The following LUZP2 variants were observed in gnomAD, a reference collection of about 807,000 sequenced individuals.
LUZP2 encodes leucine zipper protein 2.
LUZP2 carries 52 observed loss-of-function variants against 51.6 expected under a neutral mutation model. That is an observed-to-expected ratio of 1.01 (90% CI 0.81 to 1.27). The LOEUF (loss-of-function observed/expected upper bound fraction) is 1.27. LUZP2 is among the 50% of genes most tolerant of loss of function. The probability of loss-of-function intolerance (pLI) is 0.00; values close to 1 mark genes in which losing one functional copy is unlikely to be tolerated. For missense variants in LUZP2, 436 were observed against 395.4 expected, an observed-to-expected ratio of 1.10 and a Z score of -0.87; for synonymous variants, 154 against 137.3, an observed-to-expected ratio of 1.12 and a Z score of -0.85.
At chr11:24,910,421 G>A (rs1853589779) in intron 6 of LUZP2, among the ~76,000 whole-genome samples, 1 of 152,152 alleles carries the variant, frequency 6.6e-6, no homozygotes, top group Non-Finnish European at 1.5e-5. Flanking sequence ...GTCTAGGAGG[G>A]AAAAATGGTG....
At chr11:24,865,924 C>G (rs1851879969) in intron 5 of LUZP2, among the ~76,000 whole-genome samples, 1 of 151,836 alleles carries the variant, frequency 6.6e-6, no homozygotes, top group Non-Finnish European at 1.5e-5. Flanking sequence ...ATTCTCCTGC[C>G]TCAGCCTCTG....
intron 1 of LUZP2, among the ~76,000 whole-genome samples, chr11:24,680,356 A>G (rs749980037): frequency 1.4e-4 from 22 of 152,176 alleles, no homozygotes; most frequent in Non-Finnish European, 3.1e-4. Flanking sequence ...ACATTTTTAT[A>G]AAAGATTGCC....
intron 1 of LUZP2, among the ~76,000 whole-genome samples, chr11:24,525,643 C>T (rs1209546089): frequency 1.3e-5 from 2 of 151,054 alleles, no homozygotes; most frequent in Non-Finnish European, 3.0e-5. Flanking sequence ...TAATATACTG[C>T]TTTTTTATGA....
chr11:24,972,805 A>G (rs1300983483), intron 7 of LUZP2, among the ~76,000 whole-genome samples: 2 of 150,518 alleles, frequency 1.3e-5, no homozygotes, highest in Non-Finnish European at 3.0e-5. Context: ...AACCTTTTTG[A>G]TGTGCTGCTG....
At chr11:24,687,754 A>G (rs1856937416) in intron 1 of LUZP2, among the ~76,000 whole-genome samples, 1 of 152,174 alleles carries the variant, frequency 6.6e-6, no homozygotes. Flanking sequence ...AAACTCAGTA[A>G]CATCTGAATG....
intron 5 of LUZP2, among the ~76,000 whole-genome samples, chr11:24,767,511 C>T (rs539688052): frequency 2.6e-5 from 4 of 152,302 alleles, no homozygotes; most frequent in Admixed American, 2.6e-4. Context: ...GTCGATCCCA[C>T]TGGAAAATCT....
At chr11:24,564,663 T>C (rs545740124) in intron 1 of LUZP2, among the ~76,000 whole-genome samples, 2 of 152,234 alleles carry the variant, frequency 1.3e-5, no homozygotes, top group South Asian at 4.1e-4. Flanking sequence ...GAAGCTACTG[T>C]TGATAAAGTG....
At chr11:24,970,502 A>G (rs1353054442) in intron 7 of LUZP2, among the ~76,000 whole-genome samples, 1 of 152,172 alleles carries the variant, frequency 6.6e-6, no homozygotes, top group Non-Finnish European at 1.5e-5. Flanking sequence ...GAATTTTTAA[A>G]AATTGTATCA....
intron 7 of LUZP2, among the ~76,000 whole-genome samples, chr11:24,952,407 T>A (rs1205913041): frequency 1.3e-5 from 2 of 151,740 alleles, no homozygotes; most frequent in East Asian, 3.9e-4. Flanking sequence ...ATAAGCAATA[T>A]TCAATAAATA....
intron 4 of LUZP2, among the ~76,000 whole-genome samples, chr11:24,754,038 TC>T (rs1360628989): frequency 2.0e-5 from 3 of 152,188 alleles, no homozygotes; most frequent in African/African-American, 7.2e-5. Flanking sequence ...CCCATTAATT[TC>T]CATTTTATTC....
intron 1 of LUZP2, among the ~76,000 whole-genome samples, chr11:24,582,778 A>C (rs1342550245): frequency 2.0e-5 from 3 of 152,012 alleles, no homozygotes; most frequent in Non-Finnish European, 4.4e-5. Context: ...TTTTGACTAC[A>C]TTGGTAATTG....
chr11:24,556,721 T>C (rs1040191804), intron 1 of LUZP2, among the ~76,000 whole-genome samples: 1 of 152,178 alleles, frequency 6.6e-6, no homozygotes, highest in Non-Finnish European at 1.5e-5. Flanking sequence ...TTCAATAATA[T>C]TTAGGCCATG....
intron 5 of LUZP2, among the ~76,000 whole-genome samples, chr11:24,763,575 A>C (rs1860066249): frequency 6.6e-6 from 1 of 152,090 alleles, no homozygotes; most frequent in African/African-American, 2.4e-5. Flanking sequence ...TTAAAAATCA[A>C]TTTTCATTTA....
chr11:24,578,480 C>T (rs918981467), intron 1 of LUZP2, among the ~76,000 whole-genome samples: 1 of 151,792 alleles, frequency 6.6e-6, no homozygotes, highest in Non-Finnish European at 1.5e-5. Flanking sequence ...ATTCCACATG[C>T]ATGCATATGT....
chr11:24,650,168 C>G (rs896147100), intron 1 of LUZP2, among the ~76,000 whole-genome samples: 1 of 150,200 alleles, frequency 6.7e-6, no homozygotes, highest in African/African-American at 2.4e-5. Context: ...TATACAGATA[C>G]ATGCTGTACA....
intron 5 of LUZP2, among the ~76,000 whole-genome samples, chr11:24,832,735 T>C (rs982775233): frequency 6.6e-6 from 1 of 152,008 alleles, no homozygotes; most frequent in Non-Finnish European, 1.5e-5. Flanking sequence ...TACTGTAAGT[T>C]CTAAAAGAGA....
At chr11:24,791,061 G>T (rs570284341) in intron 5 of LUZP2, among the ~76,000 whole-genome samples, 1 of 152,150 alleles carries the variant, frequency 6.6e-6, no homozygotes, top group African/African-American at 2.4e-5. Flanking sequence ...ATGGTATCTC[G>T]AACTAATGAC....
chr11:24,721,816 A>T (rs938462614), intron 1 of LUZP2, among the ~76,000 whole-genome samples: 55 of 152,188 alleles, frequency 3.6e-4, no homozygotes, highest in African/African-American at 1.2e-3. Flanking sequence ...AATGCATTTG[A>T]CCGTGAATAA....
At chr11:25,026,439 C>A (rs920382484) in intron 9 of LUZP2, among the ~76,000 whole-genome samples, 4 of 152,112 alleles carry the variant, frequency 2.6e-5, no homozygotes, top group Non-Finnish European at 5.9e-5. Context: ...ATTGTGAATA[C>A]TATTCCTTCT....
Sources: allele counts gnomAD v4.1 joint callset (sites outside exome capture counted in the v4.1 genomes callset), GRCh38; gene constraint gnomAD v4.1.1; transcripts MANE v1.5; gene names NCBI Gene and HGNC (gene_info 2026-07-23, HGNC 2026-07-21).